Variants in SEPTIN7 observed in about 807,000 individuals in gnomAD.
The protein encoded by SEPTIN7 is septin-7.
In SEPTIN7, 10 loss-of-function variants were observed where a neutral mutation model predicts 63.3. That is an observed-to-expected ratio of 0.16 (90% CI 0.10 to 0.27). The LOEUF is 0.27. Ranked by LOEUF, SEPTIN7 falls within the 10% of genes least tolerant of loss-of-function variation. SEPTIN7 has a pLI of 1.00. For synonymous variants in SEPTIN7, 131 were observed against 165.3 expected, an observed-to-expected ratio of 0.79 and a Z score of 1.59; for missense variants, 310 against 521.0, an observed-to-expected ratio of 0.59 and a Z score of 3.94.
intron 10 of SEPTIN7, chr7:35,888,859 TTAAA>T (rs1430279749): frequency 6.4e-6 from 2 of 311,744 alleles, no homozygotes; most frequent in African/African-American, 4.7e-5. Flanking sequence ...AAAAGAAAAA[TTAAA>T]TAAACATTGT....
chr7:35,837,626 A>G (rs1001898483), intron 3 of SEPTIN7, among the ~76,000 whole-genome samples: 6 of 152,242 alleles, frequency 3.9e-5, no homozygotes, highest in African/African-American at 1.4e-4. Flanking sequence ...ATGCTCATCA[A>G]GTGTTGACAG....
At chr7:35,900,612 T>G (rs559828824) in intron 12 of SEPTIN7, 4 of 152,210 alleles carry the variant, frequency 2.6e-5, no homozygotes, top group Non-Finnish European at 4.4e-5. Flanking sequence ...TAATCAAGAG[T>G]CTACTACATT....
intron 3 of SEPTIN7, among the ~76,000 whole-genome samples, chr7:35,857,715 ATTATC>A (rs966718447): frequency 6.6e-6 from 1 of 152,222 alleles, no homozygotes; most frequent in Non-Finnish European, 1.5e-5. Flanking sequence ...GGGAAAAAGT[ATTATC>A]TTAACTGAAA....
At chr7:35,852,911 T>C (rs568283953) in intron 3 of SEPTIN7, among the ~76,000 whole-genome samples, 1 of 152,234 alleles carries the variant, frequency 6.6e-6, no homozygotes, top group South Asian at 2.1e-4. Context: ...AGATCTATTA[T>C]TGTATCTTGT....
At chr7:35,814,051 C>T (rs754919884) in intron 1 of SEPTIN7, among the ~76,000 whole-genome samples, 37 of 133,048 alleles carry the variant, frequency 2.8e-4, no homozygotes, top group Non-Finnish European at 4.8e-4. Context: ...ACTGGGGAAA[C>T]TGTTAAAAGT....
chr7:35,804,835 G>GT (rs57782019), intron 1 of SEPTIN7, among the ~76,000 whole-genome samples: 12,752 of 123,230 alleles, frequency 0.1, 974 homozygotes, highest in African/African-American at 0.19. Context: ...TTCTTTTTTT[G>GT]TTTTTTTTTT....
chr7:35,852,017 G>A (rs2715599), intron 3 of SEPTIN7, among the ~76,000 whole-genome samples: 2,131 of 152,220 alleles, frequency 0.014, 58 homozygotes, highest in African/African-American at 0.048. Context: ...TCTTAAGGCT[G>A]TCTACTTCAC....
intron 4 of SEPTIN7, among the ~76,000 whole-genome samples, chr7:35,866,521 G>A (rs1486735359): frequency 6.6e-6 from 1 of 152,136 alleles, no homozygotes; most frequent in Non-Finnish European, 1.5e-5. Flanking sequence ...GCTGAATAAG[G>A]AGCAAGATAT....
chr7:35,896,143 G>A (rs142138798), intron 11 of SEPTIN7, among the ~76,000 whole-genome samples: 8 of 152,188 alleles, frequency 5.3e-5, no homozygotes, highest in South Asian at 2.1e-4. Flanking sequence ...TGTTTTATCC[G>A]CAGTCTCTTA....
chr7:35,810,406 C>A (rs1291659437), intron 1 of SEPTIN7, among the ~76,000 whole-genome samples: 4 of 151,530 alleles, frequency 2.6e-5, no homozygotes, highest in African/African-American at 9.7e-5. Context: ...TCATTGCCAG[C>A]TCCGCCTCCC....
At chr7:35,808,169 A>G (rs1320720061) in intron 1 of SEPTIN7, among the ~76,000 whole-genome samples, 5 of 151,948 alleles carry the variant, frequency 3.3e-5, no homozygotes, top group East Asian at 1.9e-4. Flanking sequence ...ACTTGGTTCA[A>G]AATTCAAAAG....
intron 1 of SEPTIN7, among the ~76,000 whole-genome samples, chr7:35,818,948 A>G (rs949324689): frequency 6.7e-6 from 1 of 149,808 alleles, no homozygotes; most frequent in African/African-American, 2.5e-5. Flanking sequence ...TTTCTGTTTT[A>G]TGTATTTCAT....
intron 11 of SEPTIN7, among the ~76,000 whole-genome samples, chr7:35,892,614 T>C (rs1787715452): frequency 6.6e-6 from 1 of 152,118 alleles, no homozygotes; most frequent in South Asian, 2.1e-4. Flanking sequence ...TGTTCCCATG[T>C]CTCAAATATA....
intron 1 of SEPTIN7, among the ~76,000 whole-genome samples, chr7:35,807,349 GA>G (rs1788412610): frequency 9.7e-6 from 1 of 102,782 alleles, no homozygotes; most frequent in Non-Finnish European, 1.8e-5. Context: ...ATGCCCGGCT[GA>G]ATTTTTTTTT....
chr7:35,880,223 CTTTTTT>C, intron 7 of SEPTIN7, among the ~76,000 whole-genome samples: 7 of 72,790 alleles, frequency 9.6e-5, no homozygotes, highest in South Asian at 4.6e-4. Context: ...TTTTTCTTTT[CTTTTTT>C]TTTTTTTTTT....
At chr7:35,844,320 A>C (rs1414345163) in intron 3 of SEPTIN7, among the ~76,000 whole-genome samples, 2 of 152,224 alleles carry the variant, frequency 1.3e-5, no homozygotes, top group African/African-American at 4.8e-5. Flanking sequence ...TAGAATCTTG[A>C]AACTAGTAAC....
At chr7:35,804,965 C>T (rs535338140) in intron 1 of SEPTIN7, among the ~76,000 whole-genome samples, 31 of 151,858 alleles carry the variant, frequency 2.0e-4, no homozygotes, top group Non-Finnish European at 4.4e-4. Flanking sequence ...CTCAGCCTCG[C>T]GAGTAGCTGG....
intron 10 of SEPTIN7, among the ~76,000 whole-genome samples, chr7:35,890,276 C>G (rs1252203225): frequency 6.6e-6 from 1 of 151,912 alleles, no homozygotes; most frequent in Non-Finnish European, 1.5e-5. Context: ...CATATATTAC[C>G]TTAGTAATAT....
chr7:35,894,553 C>T (rs1301601774), intron 11 of SEPTIN7, among the ~76,000 whole-genome samples: 1 of 152,084 alleles, frequency 6.6e-6, no homozygotes, highest in African/African-American at 2.4e-5. Context: ...AGTGTCCTTT[C>T]ATGAAATTAT....
Sources: allele counts gnomAD v4.1 joint callset (sites outside exome capture counted in the v4.1 genomes callset), GRCh38; gene constraint gnomAD v4.1.1; transcripts MANE v1.5; gene names NCBI Gene and HGNC (gene_info 2026-07-23, HGNC 2026-07-21).